Variants in ADAMTSL3 observed in about 807,000 individuals in gnomAD.
ADAMTSL3 encodes ADAMTS like 3, also known as ADAMTS-like protein 3.
A neutral mutation model predicts 201.7 loss-of-function variants in ADAMTSL3; 128 were observed. That is an observed-to-expected ratio of 0.63 (90% CI 0.55 to 0.73). The LOEUF (loss-of-function observed/expected upper bound fraction) is 0.73, where lower values mean the gene tolerates loss of function less well. Among genes scored for constraint, ADAMTSL3 ranks in the 30% least tolerant of loss-of-function variants. The pLI is 0.00. For missense variants in ADAMTSL3, 1,990 were observed against 2,119.6 expected (o/e 0.94, Z 1.20); for synonymous variants, 738 against 748.4 (o/e 0.99, Z 0.23).
At chr15:83,857,625 T>C (rs2064767256) in intron 7 of ADAMTSL3, among the ~76,000 whole-genome samples, 1 of 152,188 alleles carries the variant, frequency 6.6e-6, no homozygotes, top group Non-Finnish European at 1.5e-5. Flanking sequence ...TTCATCAAAG[T>C]GTTAGAAGTG....
chr15:84,021,969 C>T (rs1258664696), intron 26 of ADAMTSL3, among the ~76,000 whole-genome samples: 3 of 152,136 alleles, frequency 2.0e-5, no homozygotes, highest in Non-Finnish European at 4.4e-5. Flanking sequence ...ATTCAGTGGG[C>T]CAGAATCACC....
At chr15:83,827,104 T>A (rs59306313) in intron 6 of ADAMTSL3, among the ~76,000 whole-genome samples, 16,068 of 152,288 alleles carry the variant, frequency 0.11, 1,010 homozygotes, top group Admixed American at 0.2. Context: ...CCACAATGGT[T>A]GAACCAGTTT....
chr15:83,977,924 C>G (rs2067314998), intron 20 of ADAMTSL3, among the ~76,000 whole-genome samples: 2 of 152,176 alleles, frequency 1.3e-5, no homozygotes, highest in South Asian at 4.1e-4. Context: ...TTCAGAGAAG[C>G]CTGAAGAGAA....
intron 2 of ADAMTSL3, among the ~76,000 whole-genome samples, chr15:83,667,786 G>C (rs540601480): frequency 1.3e-5 from 2 of 151,124 alleles, no homozygotes; most frequent in South Asian, 4.3e-4. Context: ...CCAAAAATTG[G>C]ATTGTCCATT....
chr15:83,815,786 A>G (rs1448237314), intron 5 of ADAMTSL3, among the ~76,000 whole-genome samples: 2 of 152,214 alleles, frequency 1.3e-5, no homozygotes, highest in African/African-American at 2.4e-5. Flanking sequence ...GTCATATCCT[A>G]GTGTGTGTCT....
intron 6 of ADAMTSL3, among the ~76,000 whole-genome samples, chr15:83,827,948 A>G (rs112091558): frequency 2.6e-5 from 4 of 152,242 alleles, no homozygotes; most frequent in South Asian, 2.1e-4. Flanking sequence ...AAGTCAGGTA[A>G]CGTGATGCCT....
intron 23 of ADAMTSL3, among the ~76,000 whole-genome samples, chr15:84,007,767 A>G (rs979918541): frequency 8.5e-5 from 13 of 152,184 alleles, no homozygotes; most frequent in Non-Finnish European, 1.8e-4. Context: ...AAGAAATACT[A>G]TGGCTATTGT....
intron 17 of ADAMTSL3, among the ~76,000 whole-genome samples, chr15:83,937,138 A>G (rs763278775): frequency 2.0e-5 from 3 of 150,906 alleles, no homozygotes; most frequent in Non-Finnish European, 4.4e-5. Context: ...TTACCGTTTG[A>G]CCCAGCAATT....
chr15:83,851,606 T>C (rs1180319070), intron 7 of ADAMTSL3, among the ~76,000 whole-genome samples: 2 of 152,194 alleles, frequency 1.3e-5, no homozygotes, highest in African/African-American at 4.8e-5. Context: ...TTATTACATA[T>C]ATAATATGCT....
At chr15:83,907,127 AT>A (rs1390645722) in intron 15 of ADAMTSL3, among the ~76,000 whole-genome samples, 2 of 146,138 alleles carry the variant, frequency 1.4e-5, no homozygotes, top group East Asian at 4.0e-4. Context: ...GAGAGAGTCT[AT>A]TTTTAAAAGG....
intron 7 of ADAMTSL3, among the ~76,000 whole-genome samples, chr15:83,841,560 A>T (rs996911511): frequency 6.6e-6 from 1 of 152,234 alleles, no homozygotes; most frequent in African/African-American, 2.4e-5. Context: ...TGAGAACTCC[A>T]AATAGCGTAG....
At chr15:83,769,919 G>C (rs552816825) in intron 3 of ADAMTSL3, among the ~76,000 whole-genome samples, 1 of 151,536 alleles carries the variant, frequency 6.6e-6, no homozygotes, top group South Asian at 2.1e-4. Flanking sequence ...CTGTTCTCCA[G>C]CTTAGAACTT....
chr15:83,960,236 C>T (rs1297101807), intron 19 of ADAMTSL3, among the ~76,000 whole-genome samples: 3 of 151,900 alleles, frequency 2.0e-5, no homozygotes, highest in African/African-American at 4.8e-5. Context: ...CTTTGAAACC[C>T]AACAAAAAAC....
intron 2 of ADAMTSL3, 87 bp from the exon 3 acceptor site, chr15:83,704,302 A>T (rs1191606787): frequency 6.3e-7 from 1 of 1,577,104 alleles, no homozygotes; most frequent in African/African-American, 1.4e-5. Context: ...TTAATGGTGG[A>T]TTCTCCTGGA....
chr15:83,872,806 A>C (rs1432410332), intron 9 of ADAMTSL3, among the ~76,000 whole-genome samples: 4 of 144,736 alleles, frequency 2.8e-5, no homozygotes, highest in Non-Finnish European at 6.0e-5. Flanking sequence ...GATCTTAATA[A>C]TATATTGTTT....
chr15:83,864,139 A>G (rs1422397408), intron 8 of ADAMTSL3, among the ~76,000 whole-genome samples: 1 of 152,224 alleles, frequency 6.6e-6, no homozygotes, highest in Non-Finnish European at 1.5e-5. Context: ...CCAACCAAAA[A>G]AAGTCCAGGA....
chr15:84,019,586 T>C (rs1567306213), intron 25 of ADAMTSL3, among the ~76,000 whole-genome samples: 1 of 151,988 alleles, frequency 6.6e-6, no homozygotes, highest in Non-Finnish European at 1.5e-5. Flanking sequence ...TCAAAAACCT[T>C]ATGCTAAGCA....
chr15:83,962,284 T>C (rs2142096925), intron 19 of ADAMTSL3: 1 of 152,340 alleles, frequency 6.6e-6, no homozygotes, highest in East Asian at 1.9e-4. Flanking sequence ...GTCTTGGGTA[T>C]GTCTTTATTA....
At chr15:83,948,898 T>C (rs1042270381) in intron 19 of ADAMTSL3, among the ~76,000 whole-genome samples, 1 of 152,164 alleles carries the variant, frequency 6.6e-6, no homozygotes, top group Non-Finnish European at 1.5e-5. Flanking sequence ...ATAGTAAATA[T>C]ATATTTTATG....
Sources: allele counts gnomAD v4.1 joint callset (sites outside exome capture counted in the v4.1 genomes callset), GRCh38; gene constraint gnomAD v4.1.1; transcripts MANE v1.5; gene names NCBI Gene and HGNC (gene_info 2026-07-23, HGNC 2026-07-21).